Variants in PRKN observed in about 807,000 individuals in gnomAD.
The protein encoded by PRKN is parkin RBR E3 ubiquitin protein ligase.
Under a neutral mutation model 59.5 loss-of-function variants are expected in PRKN, and 56 were observed. The observed-to-expected ratio is 0.94, with a 90% confidence interval of 0.76 to 1.18. The LOEUF is 1.18. Among genes scored for constraint, PRKN ranks in the 50% most tolerant of loss-of-function variants. The pLI is 0.00. For synonymous variants in PRKN, 250 were observed against 222.1 expected (o/e 1.13, Z -1.12); for missense variants, 657 against 596.4 (o/e 1.10, Z -1.06).
chr6:161,657,834 T>C (rs6455755), intron 7 of PRKN, among the ~76,000 whole-genome samples: 1,762 of 151,980 alleles, frequency 0.012, 28 homozygotes, highest in African/African-American at 0.041. Flanking sequence ...GAGACGGGCA[T>C]GGCCAATATG....
chr6:162,140,227 T>C (rs1449243996), intron 4 of PRKN, among the ~76,000 whole-genome samples: 1 of 152,226 alleles, frequency 6.6e-6, no homozygotes, highest in Non-Finnish European at 1.5e-5. Context: ...TTTAAAATTA[T>C]AATTTCTAAG....
At chr6:162,366,731 C>T (rs941903722) in intron 2 of PRKN, among the ~76,000 whole-genome samples, 1 of 151,886 alleles carries the variant, frequency 6.6e-6, no homozygotes, top group Non-Finnish European at 1.5e-5. Context: ...CATGGAGAAA[C>T]CCCGCCTCTA....
At chr6:161,795,148 T>C (rs1235463120) in intron 6 of PRKN, among the ~76,000 whole-genome samples, 2 of 151,760 alleles carry the variant, frequency 1.3e-5, no homozygotes, top group Non-Finnish European at 2.9e-5. Flanking sequence ...CCTCCCAAAG[T>C]GCTGGGATTA....
chr6:161,988,010 C>A (rs992344666), intron 5 of PRKN, among the ~76,000 whole-genome samples: 1 of 152,070 alleles, frequency 6.6e-6, no homozygotes, highest in Non-Finnish European at 1.5e-5. Context: ...CCAGGCTTAT[C>A]ATTATAGAAC....
At position 162,669,428 on chromosome 6, in the gene PRKN, A is replaced by G. The variant is rs532217852; in HGVS notation, c.7+58234T>C. Among the ~76,000 whole-genome samples the G allele has an allele frequency of 1.6e-4, 24 of 152,256 alleles. 2 individuals are homozygous for G. The South Asian group carries it at 5.0e-3, about 32-fold the overall frequency. The stretch of plus-strand genomic sequence containing the variant: ...ATTTAGAGATCTGGATGGTAAGCTA[A>G]ACTTTAGAATTAAGGAATTCAGATT... On this transcript the variant is annotated intron_variant, in intron 1 of 11. Transcript: ENST00000366898.
At chr6:162,425,214 C>T (rs1355850895) in intron 2 of PRKN, among the ~76,000 whole-genome samples, 5 of 152,044 alleles carry the variant, frequency 3.3e-5, no homozygotes, top group African/African-American at 7.2e-5. Context: ...TTTTTCACAA[C>T]GCTGAAAAAT....
intron 9 of PRKN, among the ~76,000 whole-genome samples, chr6:161,412,358 TATTCCTCCACTCACTC>T (rs1437253706): frequency 2.1e-4 from 29 of 139,396 alleles, no homozygotes; most frequent in Non-Finnish European, 3.4e-4. Context: ...CTTTGTCACT[TATTCCTCCACTCACTC>T]ATTCCTCCAC....
intron 10 of PRKN, among the ~76,000 whole-genome samples, chr6:161,374,576 G>C (rs1478633413): frequency 5.6e-4 from 3 of 5,400 alleles, no homozygotes; most frequent in African/African-American, 1.6e-3. Flanking sequence ...TGTGTGTAAT[G>C]GGTGTGTGGT....
intron 4 of PRKN, among the ~76,000 whole-genome samples, chr6:162,200,191 C>T (rs1388203751): frequency 1.3e-5 from 2 of 152,112 alleles, no homozygotes; most frequent in Non-Finnish European, 2.9e-5. Context: ...TTGACACCCC[C>T]GTGTCTGTGT....
intron 2 of PRKN, among the ~76,000 whole-genome samples, chr6:162,387,740 T>C (rs752083782): frequency 2.6e-5 from 4 of 152,220 alleles, no homozygotes; most frequent in African/African-American, 4.8e-5. Flanking sequence ...GTGTGGTATC[T>C]GAAATGGTGT....
At chr6:162,012,084 G>A (rs1324009230) in intron 5 of PRKN, among the ~76,000 whole-genome samples, 2 of 152,070 alleles carry the variant, frequency 1.3e-5, no homozygotes, top group African/African-American at 2.4e-5. Flanking sequence ...ACTCTACCAT[G>A]TGGGTACTTT....
intron 4 of PRKN, among the ~76,000 whole-genome samples, chr6:162,054,556 C>G (rs1158919721): frequency 6.6e-6 from 1 of 152,152 alleles, no homozygotes; most frequent in Non-Finnish European, 1.5e-5. Context: ...CCACCCAACC[C>G]CACCATGCAG....
At chr6:162,111,461 T>TC (rs1158495331) in intron 4 of PRKN, among the ~76,000 whole-genome samples, 1 of 144,738 alleles carries the variant, frequency 6.9e-6, no homozygotes, top group African/African-American at 2.7e-5. Context: ...TGAGACTCTG[T>TC]CTAAAAAAAA....
intron 7 of PRKN, among the ~76,000 whole-genome samples, chr6:161,737,362 G>A (rs6940636): frequency 0.21 from 32,526 of 152,140 alleles, 3,880 homozygotes; most frequent in East Asian, 0.51. Context: ...GTTCACATGA[G>A]GGACAGAACA....
chr6:161,841,411 G>A (rs116937390), intron 6 of PRKN, among the ~76,000 whole-genome samples: 4,300 of 151,108 alleles, frequency 0.028, 96 homozygotes, highest in Admixed American at 0.039. Context: ...GTGCACTGGC[G>A]TAATCTCTGC....
chr6:161,783,594 T>A (rs926645092), intron 7 of PRKN: 11 of 486,902 alleles, frequency 2.3e-5, no homozygotes, highest in Admixed American at 1.0e-4. Flanking sequence ...AATGAACTGA[T>A]AACTAAAAAG....
At chr6:162,316,419 A>G (rs777215834) in intron 2 of PRKN, among the ~76,000 whole-genome samples, 32 of 152,228 alleles carry the variant, frequency 2.1e-4, no homozygotes, top group Admixed American at 4.6e-4. Context: ...TAAAAATGAC[A>G]TCTTCCTAGA....
At chr6:162,614,465 TG>T (rs1441155773) in intron 1 of PRKN, among the ~76,000 whole-genome samples, 2 of 152,204 alleles carry the variant, frequency 1.3e-5, no homozygotes, top group Non-Finnish European at 2.9e-5. Context: ...TCAATATATT[TG>T]TGCATCAAAT....
intron 5 of PRKN, among the ~76,000 whole-genome samples, chr6:162,043,455 T>C (rs1287592704): frequency 6.6e-6 from 1 of 152,232 alleles, no homozygotes; most frequent in Non-Finnish European, 1.5e-5. Context: ...TCTGCATAAA[T>C]GATCAGTGAA....
Sources: allele counts gnomAD v4.1 joint callset (sites outside exome capture counted in the v4.1 genomes callset), GRCh38; gene constraint gnomAD v4.1.1; transcripts MANE v1.5; gene names NCBI Gene and HGNC (gene_info 2026-07-23, HGNC 2026-07-21).